Variants in DCLK2 observed in about 807,000 individuals in gnomAD.
DCLK2 encodes serine/threonine-protein kinase DCLK2.
In DCLK2, 31 loss-of-function variants were observed where a neutral mutation model predicts 78.4. The observed-to-expected ratio is 0.40, with a 90% CI of 0.30 to 0.53. The LOEUF is 0.53. DCLK2 is among the 20% of genes least tolerant of loss of function. The pLI, the probability that DCLK2 is intolerant of heterozygous loss-of-function variation, is 0.61. For synonymous variants in DCLK2, 407 were observed against 374.9 expected (o/e 1.09, Z -0.99); for missense variants, 872 against 973.7 (o/e 0.90, Z 1.39).
At chr4:150,189,719 A>G (rs761851221) in intron 2 of DCLK2, among the ~76,000 whole-genome samples, 6 of 152,042 alleles carry the variant, frequency 3.9e-5, no homozygotes, top group Non-Finnish European at 8.8e-5. Flanking sequence ...TAGCCGTTGT[A>G]CCACTCACCT....
At chr4:150,236,247 T>C (rs1742497456) in intron 10 of DCLK2, among the ~76,000 whole-genome samples, 1 of 152,206 alleles carries the variant, frequency 6.6e-6, no homozygotes, top group Admixed American at 6.5e-5. Context: ...TTGTGATTGT[T>C]TAAATTCACT....
intron 2 of DCLK2, among the ~76,000 whole-genome samples, chr4:150,110,239 G>A (rs1731572874): frequency 6.6e-6 from 1 of 152,138 alleles, no homozygotes; most frequent in South Asian, 2.1e-4. Flanking sequence ...TGTCTAAGGG[G>A]AGTAATGCAT....
chr4:150,200,315 A>T (rs1739360026), intron 4 of DCLK2, among the ~76,000 whole-genome samples: 1 of 152,206 alleles, frequency 6.6e-6, no homozygotes, highest in Admixed American at 6.5e-5. Flanking sequence ...CAAACTCATC[A>T]AGTAAAAGTT....
chr4:150,113,807 T>G (rs929281412), intron 2 of DCLK2, among the ~76,000 whole-genome samples: 1 of 152,118 alleles, frequency 6.6e-6, no homozygotes, highest in Admixed American at 6.5e-5. Flanking sequence ...GTTTAGTTCT[T>G]ATTTCTCTAG....
At chr4:150,080,098 T>C (rs577947916) in intron 1 of DCLK2, among the ~76,000 whole-genome samples, 128 of 148,126 alleles carry the variant, frequency 8.6e-4, no homozygotes, top group African/African-American at 2.7e-3. Flanking sequence ...GTTAGGCGTC[T>C]GGAGTCTCAA....
chr4:150,090,418 A>G (rs979379093), intron 1 of DCLK2, among the ~76,000 whole-genome samples: 9 of 138,752 alleles, frequency 6.5e-5, no homozygotes, highest in African/African-American at 2.4e-4. Flanking sequence ...TCTCAAAATA[A>G]TGATAAAAAC....
chr4:150,125,171 C>T (rs1732836018), intron 2 of DCLK2, among the ~76,000 whole-genome samples: 1 of 152,124 alleles, frequency 6.6e-6, no homozygotes, highest in Non-Finnish European at 1.5e-5. Context: ...GCCACAGAGA[C>T]ATTCAAAGAA....
chr4:150,094,804 A>G (rs1176755830), intron 1 of DCLK2, among the ~76,000 whole-genome samples: 2 of 152,234 alleles, frequency 1.3e-5, no homozygotes, highest in East Asian at 1.9e-4. Context: ...TGAAGAAGGT[A>G]CAGTCAGTTT....
At chr4:150,227,165 G>A (rs72732453) in intron 8 of DCLK2, among the ~76,000 whole-genome samples, 21,443 of 152,152 alleles carry the variant, frequency 0.14, 1,993 homozygotes, top group Non-Finnish European at 0.22. Context: ...TACACAGCCT[G>A]TACATTGGCT....
chr4:150,193,024 C>G (rs1006734042), intron 2 of DCLK2, 114 bp from the exon 3 acceptor site: 2 of 653,960 alleles, frequency 3.1e-6, no homozygotes, highest in Non-Finnish European at 5.4e-6. Flanking sequence ...TATTACACAG[C>G]TTTCTCTTCC....
intron 2 of DCLK2, among the ~76,000 whole-genome samples, chr4:150,150,597 G>T (rs1734815101): frequency 6.6e-6 from 1 of 152,172 alleles, no homozygotes; most frequent in Non-Finnish European, 1.5e-5. Context: ...ATTCAGAGAT[G>T]AATGAATGCT....
rs56934028 is a variant in DCLK2, at chr4:150,110,577, G to A, written c.756+7765G>A. Among the ~76,000 whole-genome samples, 377 of 152,034 alleles carry A rather than the reference G, an allele frequency of 2.5e-3. 8 individuals are homozygous for A. The highest frequency in any genetic ancestry group is 8.4e-3 in the African/African-American group (349 of 41,486). On this transcript the variant is annotated intron_variant, in intron 2 of 15. Transcript: ENST00000296550. ...TGAAGTCTGAGATTTTATTGCGCCC[G>A]TCACCTGAGTAGTGTACATTGTACC...
chr4:150,229,636 ACCC>A (rs964522093), intron 8 of DCLK2, among the ~76,000 whole-genome samples: 1 of 151,354 alleles, frequency 6.6e-6, no homozygotes, highest in Non-Finnish European at 1.5e-5. Context: ...CTCCTATTAT[ACCC>A]CCCCATTCCT....
intron 1 of DCLK2, among the ~76,000 whole-genome samples, chr4:150,085,499 C>G (rs1455926175): frequency 6.6e-6 from 1 of 152,104 alleles, no homozygotes; most frequent in Non-Finnish European, 1.5e-5. Flanking sequence ...AGCTTTAATC[C>G]ATTCTTGAGG....
chr4:150,144,458 T>C (rs752879650), intron 2 of DCLK2, among the ~76,000 whole-genome samples: 5 of 152,222 alleles, frequency 3.3e-5, no homozygotes, highest in Non-Finnish European at 7.3e-5. Flanking sequence ...TTTGTACCAG[T>C]ACCATGCTGT....
chr4:150,193,319 T>A, intron 3 of DCLK2, 79 bp downstream of exon 3: 1 of 876,552 alleles, frequency 1.1e-6, no homozygotes, highest in Non-Finnish European at 1.8e-6. Context: ...GCCACTCAGT[T>A]GGTGCATGTT....
At chr4:150,142,916 G>A (rs1734211271) in intron 2 of DCLK2, among the ~76,000 whole-genome samples, 1 of 151,728 alleles carries the variant, frequency 6.6e-6, no homozygotes, top group African/African-American at 2.4e-5. Flanking sequence ...CAGCCAAATA[G>A]CATTGTACCC....
intron 1 of DCLK2, among the ~76,000 whole-genome samples, 169 bp downstream of exon 1, chr4:150,079,617 C>T (rs1449388290): frequency 6.6e-6 from 1 of 152,186 alleles, no homozygotes; most frequent in African/African-American, 2.4e-5. Context: ...GTGGGGTGCC[C>T]ACATACACAC....
At chr4:150,190,244 T>C (rs368521675) in intron 2 of DCLK2, among the ~76,000 whole-genome samples, 3 of 64,358 alleles carry the variant, frequency 4.7e-5, no homozygotes, top group African/African-American at 1.1e-4. Flanking sequence ...GTTAGATAGA[T>C]AGATAGATAG....
Sources: allele counts gnomAD v4.1 joint callset (sites outside exome capture counted in the v4.1 genomes callset), GRCh38; gene constraint gnomAD v4.1.1; transcripts MANE v1.5; gene names NCBI Gene and HGNC (gene_info 2026-07-23, HGNC 2026-07-21).